Variants in GPC5 observed in about 807,000 individuals in gnomAD.
GPC5 encodes the protein glypican 5, also known as glypican-5.
GPC5 carries 47 observed loss-of-function variants against 53.9 expected under a neutral mutation model. That is an observed-to-expected ratio of 0.87 (90% CI 0.69 to 1.11). The LOEUF (loss-of-function observed/expected upper bound fraction) is 1.11, where lower values mean the gene tolerates loss of function less well. Among genes scored for constraint, GPC5 ranks in the 50% most tolerant of loss-of-function variants. The probability of loss-of-function intolerance (pLI) is 0.00; values close to 1 mark genes in which losing one functional copy is unlikely to be tolerated. For missense variants in GPC5, 748 were observed against 713.1 expected (o/e 1.05, Z -0.56); for synonymous variants, 286 against 263.3 (o/e 1.09, Z -0.84).
intron 6 of GPC5, among the ~76,000 whole-genome samples, chr13:91,989,575 CAA>C (rs1356174826): frequency 6.6e-6 from 1 of 152,134 alleles, no homozygotes; most frequent in East Asian, 1.9e-4. Flanking sequence ...GGATTACATA[CAA>C]ATCTAGTGCC....
chr13:91,700,288 C>T (rs1172179030), intron 3 of GPC5, among the ~76,000 whole-genome samples: 1 of 152,166 alleles, frequency 6.6e-6, no homozygotes, highest in African/African-American at 2.4e-5. Flanking sequence ...AGTTTGAATA[C>T]TTTCTGTGTA....
intron 2 of GPC5, among the ~76,000 whole-genome samples, chr13:91,471,027 A>G (rs947120295): frequency 6.6e-6 from 1 of 152,172 alleles, no homozygotes. Context: ...TGTTAAAAAA[A>G]ACAAACAACC....
At chr13:92,705,680 C>T (rs1887924120) in intron 7 of GPC5, among the ~76,000 whole-genome samples, 1 of 152,050 alleles carries the variant, frequency 6.6e-6, no homozygotes, top group South Asian at 2.1e-4. Context: ...ATGTGACTTG[C>T]ATTCCTGGCT....
At chr13:92,078,681 C>T (rs750168704) in intron 6 of GPC5, among the ~76,000 whole-genome samples, 7 of 152,122 alleles carry the variant, frequency 4.6e-5, no homozygotes, top group Admixed American at 1.3e-4. Context: ...GCTTCCAATA[C>T]CTTCCTACCC....
chr13:92,212,244 T>C (rs886518238), intron 7 of GPC5, among the ~76,000 whole-genome samples: 1 of 152,128 alleles, frequency 6.6e-6, no homozygotes, highest in African/African-American at 2.4e-5. Flanking sequence ...CCTCTAGCTA[T>C]GCAAACTGAG....
intron 6 of GPC5, among the ~76,000 whole-genome samples, chr13:92,058,164 G>C (rs891527009): frequency 2.6e-5 from 4 of 151,730 alleles, no homozygotes; most frequent in African/African-American, 7.3e-5. Context: ...ATTAACAGAG[G>C]GTCTTTAGAT....
At chr13:92,529,157 T>C (rs2138984369) in intron 7 of GPC5, among the ~76,000 whole-genome samples, 1 of 152,284 alleles carries the variant, frequency 6.6e-6, no homozygotes, top group South Asian at 2.1e-4. Context: ...TGAAAAGATA[T>C]GTAATGCAGA....
At chr13:92,111,512 T>C (rs1433833552) in intron 6 of GPC5, among the ~76,000 whole-genome samples, 1 of 152,150 alleles carries the variant, frequency 6.6e-6, no homozygotes, top group Non-Finnish European at 1.5e-5. Flanking sequence ...TATTTATACT[T>C]ATTTTCTTGA....
At chr13:92,597,988 A>T (rs1430680376) in intron 7 of GPC5, among the ~76,000 whole-genome samples, 5 of 152,178 alleles carry the variant, frequency 3.3e-5, no homozygotes, top group African/African-American at 1.2e-4. Context: ...ATTTGGAACT[A>T]CAGGGACAGT....
At chr13:92,383,333 A>T (rs1221465489) in intron 7 of GPC5, among the ~76,000 whole-genome samples, 1 of 152,220 alleles carries the variant, frequency 6.6e-6, no homozygotes. Flanking sequence ...TTTAAACTAA[A>T]TGATAGATTA....
intron 2 of GPC5, among the ~76,000 whole-genome samples, chr13:91,608,237 T>C (rs2033436286): frequency 6.6e-6 from 1 of 152,190 alleles, no homozygotes; most frequent in African/African-American, 2.4e-5. Context: ...AACCACTTGG[T>C]ACTGTGGATT....
chr13:92,517,804 C>G (rs1880855693), intron 7 of GPC5, among the ~76,000 whole-genome samples: 1 of 152,126 alleles, frequency 6.6e-6, no homozygotes, highest in Non-Finnish European at 1.5e-5. Flanking sequence ...CAGCTACTCG[C>G]CAGCAATGGA....
chr13:92,612,242 A>G (rs761864836), intron 7 of GPC5, among the ~76,000 whole-genome samples: 6 of 152,102 alleles, frequency 3.9e-5, no homozygotes, highest in Non-Finnish European at 5.9e-5. Context: ...TTTATTGAAA[A>G]CTGTCATTTC....
Position 92,513,507 on chromosome 13 carries a change from T to C in GPC5, c.1562-352775T>C, listed in dbSNP as rs377525690. 1.7e-4 allele frequency among the ~76,000 whole-genome samples: 25 copies of C among 147,870 alleles called. No individual in the cohort carries two copies. The South Asian group carries it at 5.5e-3, about 33-fold the overall frequency. On this transcript the variant is annotated intron_variant, in intron 7 of 7. Coordinates refer to ENST00000377067, the MANE Select transcript of GPC5 (RefSeq NM_004466.6). Reference sequence around the variant, plus strand: ...TTAATTAAGGCATATAAGACATCTTTCTTTCTCTCTCTCATTCTCTTTCCC... The same window carrying C: ...TTAATTAAGGCATATAAGACATCTTCCTTTCTCTCTCTCATTCTCTTTCCC...
chr13:92,513,767 A>G (rs1021228763), intron 7 of GPC5, among the ~76,000 whole-genome samples: 3 of 152,114 alleles, frequency 2.0e-5, no homozygotes, highest in African/African-American at 2.4e-5. Context: ...CACAATATTT[A>G]TGTTTTATAT....
intron 7 of GPC5, among the ~76,000 whole-genome samples, chr13:92,167,631 A>G (rs1398914360): frequency 6.6e-6 from 1 of 152,180 alleles, no homozygotes; most frequent in East Asian, 1.9e-4. Flanking sequence ...TGTGATTTTA[A>G]AGTTTCTGAA....
chr13:91,484,341 G>A (rs980069410), intron 2 of GPC5, among the ~76,000 whole-genome samples: 10 of 152,074 alleles, frequency 6.6e-5, no homozygotes, highest in African/African-American at 2.2e-4. Flanking sequence ...TAGGATTATT[G>A]CATTGATTAC....
At chr13:91,836,114 A>T (rs1214791150) in intron 5 of GPC5, among the ~76,000 whole-genome samples, 1 of 152,050 alleles carries the variant, frequency 6.6e-6, no homozygotes, top group Non-Finnish European at 1.5e-5. Flanking sequence ...GAAGAAATTT[A>T]AATATTGTAT....
At chr13:92,202,588 G>T (rs1593990676) in intron 7 of GPC5, among the ~76,000 whole-genome samples, 1 of 152,140 alleles carries the variant, frequency 6.6e-6, no homozygotes, top group Admixed American at 6.5e-5. Flanking sequence ...AAGAACCAAA[G>T]ATTTTCTAAT....
Sources: allele counts gnomAD v4.1 joint callset (sites outside exome capture counted in the v4.1 genomes callset), GRCh38; gene constraint gnomAD v4.1.1; transcripts MANE v1.5; gene names NCBI Gene and HGNC (gene_info 2026-07-23, HGNC 2026-07-21).